Variants in TASP1 observed in about 807,000 individuals in gnomAD.
The protein encoded by TASP1 is threonine aspartase 1.
TASP1 carries 16 observed loss-of-function variants against 56.6 expected under a neutral mutation model. The ratio of observed to expected loss-of-function variants is 0.28; its 90% CI spans 0.19 to 0.43. TASP1 has a LOEUF of 0.43. TASP1 is among the 20% of genes least tolerant of loss of function. The pLI, the probability that TASP1 is intolerant of heterozygous loss-of-function variation, is 1.00. For missense variants in TASP1, 393 were observed against 511.6 expected (o/e 0.77, Z 2.24); for synonymous variants, 179 against 184.2 (o/e 0.97, Z 0.23).
chr20:13,601,179 G>A (rs111278495), intron 4 of TASP1, among the ~76,000 whole-genome samples: 10 of 152,218 alleles, frequency 6.6e-5, no homozygotes, highest in African/African-American at 2.4e-4. Flanking sequence ...TTGAGCGGCT[G>A]AAGTGGGAGG....
rs761082119 is a variant in TASP1, at chr20:13,559,010, T to G, written c.673A>C (p.Lys225Gln). Residue 225 changes from lysine to glutamine, a missense_variant and splice_region_variant, in exon 8 of 14, where the codon AAG becomes CAG. By Grantham distance (53) the Lys-to-Gln change is moderately conservative. Around this residue, in one of 3 missense-constraint regions of TASP1, gnomAD observed 293 missense variants for 354.2 expected, o/e 0.83. Transcript: ENST00000337743. ...QLKKRRQSSEKENDSGTLDTV... is the reference protein window; with the variant it reads ...QLKKRRQSSEQENDSGTLDTV... ...GAATATTTCAAACACCACCTGACCT[T>G]CTCACTTGATTGTCTTCTTTTCTTT... 2 of 1,576,646 alleles carry G rather than the reference T, an allele frequency of 1.3e-6. No homozygotes were observed. The highest frequency in any genetic ancestry group is 1.7e-6 in the Non-Finnish European group (2 of 1,159,444).
chr20:13,126,730 G>T, the TASP1 span: 1 of 1,613,464 alleles, frequency 6.2e-7, no homozygotes, highest in African/African-American at 1.3e-5. Context: ...AAGAGGATCT[G>T]CAGAGAGCAC....
chr20:13,262,014 G>T, the TASP1 span, among the ~76,000 whole-genome samples: 7 of 152,170 alleles, frequency 4.6e-5, no homozygotes, highest in African/African-American at 1.7e-4. Flanking sequence ...CCCTCTGGTC[G>T]TAGGAGGACT....
intron 8 of TASP1, 110 bp downstream of exon 8, chr20:13,558,898 T>C: frequency 3.5e-6 from 2 of 574,768 alleles, no homozygotes; most frequent in Non-Finnish European, 2.8e-6. Flanking sequence ...AAAGTACATA[T>C]GTGACACACA....
At chr20:13,536,124 T>G (rs966244246) in intron 8 of TASP1, among the ~76,000 whole-genome samples, 8 of 152,204 alleles carry the variant, frequency 5.3e-5, no homozygotes, top group African/African-American at 1.9e-4. Context: ...AGAAGGCTTC[T>G]CAAATTTTAA....
At chr20:13,458,125 C>T (rs1180090870) in intron 11 of TASP1, among the ~76,000 whole-genome samples, 1 of 152,038 alleles carries the variant, frequency 6.6e-6, no homozygotes, top group African/African-American at 2.4e-5. Flanking sequence ...GTACACAAAA[C>T]CTCAATCTAG....
chr20:13,249,321 G>A, the TASP1 span, among the ~76,000 whole-genome samples: 7 of 152,148 alleles, frequency 4.6e-5, no homozygotes, highest in Admixed American at 6.5e-5. Flanking sequence ...AGCCATTCCA[G>A]GCCAGCATCC....
At chr20:13,543,164 C>G (rs953537007) in intron 8 of TASP1, among the ~76,000 whole-genome samples, 1 of 152,174 alleles carries the variant, frequency 6.6e-6, no homozygotes, top group Non-Finnish European at 1.5e-5. Flanking sequence ...CAAGTAATAA[C>G]AGACGCTAGC....
At chr20:13,410,718 G>A (rs1313950928) in intron 13 of TASP1, among the ~76,000 whole-genome samples, 2 of 151,952 alleles carry the variant, frequency 1.3e-5, no homozygotes, top group African/African-American at 4.8e-5. Context: ...TGTATATTCT[G>A]ATTATTAGTC....
At chr20:13,402,565 T>C (rs2041777061) in intron 13 of TASP1, among the ~76,000 whole-genome samples, 2 of 152,240 alleles carry the variant, frequency 1.3e-5, no homozygotes, top group African/African-American at 4.8e-5. Flanking sequence ...GGTTTATTGG[T>C]GGCGCCTCAA....
chr20:13,157,489 A>G, the TASP1 span, among the ~76,000 whole-genome samples: 1 of 152,166 alleles, frequency 6.6e-6, no homozygotes. Flanking sequence ...AGCAGAGCCC[A>G]GAATTCAAAG....
Position 13,617,254 on chromosome 20 carries a change from A to T in TASP1, c.282+6192T>A, listed in dbSNP as rs1190256322. 46 of 226,140 alleles carry T rather than the reference A, an allele frequency of 2.0e-4. 1 individual carries two copies. The South Asian group carries it at 2.1e-3, about 10-fold the overall frequency. 14.0% of individuals were successfully genotyped at this position (226,140 alleles called of 1,614,324 possible). On this transcript the variant is annotated intron_variant, in intron 4 of 13. Coordinates refer to ENST00000337743, the MANE Select transcript of TASP1 (RefSeq NM_017714.3). ...CAAAATAGGGTCTTTGAAATAATCA[A>T]TAATACCAAGTAAAGAAAAAAAACA...
chr20:13,606,631 C>G (rs1025569139), intron 4 of TASP1, among the ~76,000 whole-genome samples: 1 of 151,892 alleles, frequency 6.6e-6, no homozygotes, highest in Admixed American at 6.6e-5. Context: ...CACGGTGAAA[C>G]CCCGTATCTA....
chr20:13,551,228 A>G (rs962636036), intron 8 of TASP1, among the ~76,000 whole-genome samples: 1 of 152,182 alleles, frequency 6.6e-6, no homozygotes, highest in Non-Finnish European at 1.5e-5. Flanking sequence ...TTGTTTATTA[A>G]AAATCAAAGA....
chr20:13,331,968 G>C, the TASP1 span, among the ~76,000 whole-genome samples: 4 of 152,202 alleles, frequency 2.6e-5, no homozygotes, highest in East Asian at 7.7e-4. Flanking sequence ...TTAATATAAT[G>C]ATGCTGGAGC....
chr20:13,294,412 A>G, the TASP1 span, among the ~76,000 whole-genome samples: 1 of 152,246 alleles, frequency 6.6e-6, no homozygotes, highest in Admixed American at 6.5e-5. Context: ...AGACTTTGAC[A>G]TAAAGTGGTA....
At chr20:13,458,638 G>C (rs1251386466) in intron 11 of TASP1, among the ~76,000 whole-genome samples, 1 of 151,998 alleles carries the variant, frequency 6.6e-6, no homozygotes, top group East Asian at 1.9e-4. Flanking sequence ...ACCACTCCTG[G>C]CCCATAGTTA....
At chr20:13,191,141 G>C in the TASP1 span, among the ~76,000 whole-genome samples, 1 of 152,032 alleles carries the variant, frequency 6.6e-6, no homozygotes, top group Non-Finnish European at 1.5e-5. Context: ...CTGTTAGCGG[G>C]AATATAAGTT....
the TASP1 span, among the ~76,000 whole-genome samples, chr20:13,176,973 C>T: frequency 1.3e-5 from 2 of 152,162 alleles, no homozygotes; most frequent in Non-Finnish European, 2.9e-5. Flanking sequence ...GGCACGATGG[C>T]TCATGCCTGT....
Sources: gnomAD v4.1 joint callset for allele counts (sites outside exome capture counted in the v4.1 genomes callset) on GRCh38, gnomAD v4.1.1 for gene constraint, gnomAD v4.1.1 regional missense constraint, MANE v1.5 for transcripts, NCBI Gene and HGNC (gene_info 2026-07-23, HGNC 2026-07-21) for gene names.